NAIP: variants seen among roughly 807,000 people sequenced by gnomAD.
NAIP encodes the protein baculoviral IAP repeat-containing protein 1.
A neutral mutation model predicts 23.0 loss-of-function variants in NAIP; 15 were observed. The ratio of observed to expected loss-of-function variants is 0.65; its 90% CI spans 0.44 to 1.00. The LOEUF (loss-of-function observed/expected upper bound fraction) is 1.00, where lower values mean the gene tolerates loss of function less well. Among genes scored for constraint, NAIP ranks in the 50% least tolerant of loss-of-function variants. The pLI is 0.00. For synonymous variants in NAIP, 100 were observed against 100.2 expected, an observed-to-expected ratio of 1.00 and a Z score of 0.01; for missense variants, 265 against 278.8, an observed-to-expected ratio of 0.95 and a Z score of 0.35.
At chr5:71,016,050 C>T (rs1211357781) in intron 3 of NAIP, among the ~76,000 whole-genome samples, 44 of 146,726 alleles carry the variant, frequency 3.0e-4, no homozygotes, top group African/African-American at 4.2e-4. Context: ...GAGGCCAAGG[C>T]GGGAGGATTG....
chr5:71,014,193 G>A (rs543823803), intron 3 of NAIP, among the ~76,000 whole-genome samples: 1 of 151,090 alleles, frequency 6.6e-6, no homozygotes, highest in East Asian at 2.0e-4. Flanking sequence ...CGCCTCCTGG[G>A]TTCAAGCAAT....
At position 71,015,964 on chromosome 5, in the gene NAIP, A is replaced by G. The variant is rs572725356; in HGVS notation, c.-3-3046T>C. Among the ~76,000 whole-genome samples the G allele has an allele frequency of 5.4e-5, 7 of 129,582 alleles. No individual in the cohort carries two copies. The Admixed American group carries it at 5.7e-4, about 11-fold the overall frequency. The allele number at this position is 129,582 out of a possible 152,430, so 85.0% of individuals were successfully genotyped here. A position where few individuals can be genotyped will look rare whatever the true frequency, so the allele number is the denominator to read the frequency against. On this transcript the variant is annotated intron_variant, in intron 3 of 16. Transcript: ENST00000517649. ...AAAAAAAGAGAAAGAAATATAATTC[A>G]CACATCATAAAATTCACCCATTTAA...
At position 71,011,327 on chromosome 5, in the gene NAIP, T is replaced by C; in HGVS notation, c.616A>G (p.Asn206Asp). 1 of 1,607,258 alleles carries C rather than the reference T, an allele frequency of 6.2e-7. No individual in the cohort carries two copies. Among genetic ancestry groups the C allele is most frequent in the Non-Finnish European group, 8.5e-7 (1 of 1,176,188 alleles). Residue 206 changes from asparagine to aspartate, a missense_variant, in exon 5 of 17, where the codon AAT becomes GAT. By Grantham distance (23) the Asn-to-Asp change is conservative (BLOSUM62 1). Around this residue, in one of 2 missense-constraint regions of NAIP, gnomAD observed 261 missense variants for 259.2 expected, o/e 1.01. Transcript: ENST00000517649. Reference protein sequence around the residue: ...QCFSCGGCLGNWEEGDDPWKE... With the variant: ...QCFSCGGCLGDWEEGDDPWKE... ...CAAGGATCATCTCCTTCTTCCCAAT[T>C]TCCTAAACATCCACCACAGGAAAAA...
At chr5:71,011,831 A>G (rs1751174929) in intron 4 of NAIP, 3 of 404,402 alleles carry the variant, frequency 7.4e-6, no homozygotes, top group Non-Finnish European at 1.5e-5. Flanking sequence ...GATAAGAATT[A>G]GTACTCACTC....
rs527556656 is a variant in NAIP, at chr5:71,015,284, C to T, written c.-3-2366G>A. ...GTCCCAGCTACTCGGGGAGCAGAGGCAGAAGGATCACTTGAGCCCAAGAAT... is the reference window on the plus strand; with the variant it reads ...GTCCCAGCTACTCGGGGAGCAGAGGTAGAAGGATCACTTGAGCCCAAGAAT... On this transcript the variant is annotated intron_variant, in intron 3 of 16. Transcript: ENST00000517649. 1.3e-4 allele frequency among the ~76,000 whole-genome samples: 19 copies of T among 150,934 alleles called. 1 individual carries two copies. Among genetic ancestry groups the T allele is most frequent in the African/African-American group, 4.6e-4 (19 of 41,220 alleles).
chr5:71,011,721 T>G (rs1751169530), intron 4 of NAIP: 2 of 448,782 alleles, frequency 4.5e-6, no homozygotes, highest in Admixed American at 6.2e-5. Flanking sequence ...CGTTTTAGCC[T>G]TGCCATGACA....
intron 3 of NAIP, among the ~76,000 whole-genome samples, chr5:71,017,423 A>G (rs2112942493): frequency 8.5e-6 from 1 of 117,952 alleles, no homozygotes; most frequent in East Asian, 2.2e-4. Context: ...TATTTGTTTA[A>G]TTCATCAAGA....
Position 71,012,740 on chromosome 5 carries a change from C to G in NAIP, c.176G>C (p.Ser59Thr), listed in dbSNP as rs1393952042. 1 of 1,611,876 alleles carries G rather than the reference C, an allele frequency of 6.2e-7. No individual in the cohort carries two copies. The highest frequency in any genetic ancestry group is 1.7e-5 in the Admixed American group (1 of 59,892). Residue 59 changes from serine (S) to threonine (T), a missense_variant, in exon 4 of 17, where the codon AGT becomes ACT. By Grantham distance (58) the Ser-to-Thr change is moderately conservative. Transcript: ENST00000517649. Reference protein sequence around the residue: ...MQKGYNSQMRSEAKRLKTFVT... With the variant: ...MQKGYNSQMRTEAKRLKTFVT... ...AAAAGTCTTTAACCTTTTTGCTTCACTGCGCATTTGAGAGTTGTAGCCTTT... is the reference window on the plus strand; with the variant it reads ...AAAAGTCTTTAACCTTTTTGCTTCAGTGCGCATTTGAGAGTTGTAGCCTTT...
rs1264531416 is a variant in NAIP, at chr5:70,969,758, T to TTAGA, written c.*342_*345dup. Reference sequence around the variant, plus strand: ...GAATACTTCTTCCATATTGTGGCTTTTAGATAGATTGGCAGACCTGTCCCC... The same window carrying TTAGA: ...GAATACTTCTTCCATATTGTGGCTTTTAGATAGATAGATTGGCAGACCTGTCCCC... On this transcript the variant is annotated 3_prime_UTR_variant, in exon 17 of 17. Transcript: ENST00000517649. 2.3e-5 allele frequency: 8 copies of TTAGA among 346,470 alleles called. No individual in the cohort carries two copies. Among genetic ancestry groups the TTAGA allele is most frequent in the Non-Finnish European group, 2.7e-5 (5 of 186,186 alleles). The allele number at this position is 346,470 out of a possible 1,614,324, so 21.5% of individuals were successfully genotyped here. A position where few individuals can be genotyped will look rare whatever the true frequency, so the allele number is the denominator to read the frequency against.
Position 71,012,457 on chromosome 5 carries a change from T to C in NAIP, c.459A>G (p.Lys153=), listed in dbSNP as rs1751204883. ...KNLKSRLRGG[K]MRYQEEEARL... ...TAGCCTCCTCTTCTTGGTACCTCATTTTACCTCCTCTCAGCCTGCTCTTCA... is the reference window on the plus strand; with the variant it reads ...TAGCCTCCTCTTCTTGGTACCTCATCTTACCTCCTCTCAGCCTGCTCTTCA... Residue 153 remains lysine, a synonymous_variant, in exon 4 of 17, where the codon AAA becomes AAG. Transcript: ENST00000517649. 6.2e-7 allele frequency: 1 copy of C among 1,611,610 alleles called. No individual in the cohort carries two copies. Among genetic ancestry groups the C allele is most frequent in the Non-Finnish European group, 8.5e-7 (1 of 1,178,376 alleles).
intron 3 of NAIP, among the ~76,000 whole-genome samples, chr5:71,014,463 T>C (rs1452556667): frequency 6.6e-6 from 1 of 151,608 alleles, no homozygotes; most frequent in Non-Finnish European, 1.5e-5. Context: ...AAGTAATTTC[T>C]AAGAATTTTA....
In NAIP at chr5:71,012,724, T is replaced by C. The variant is rs1751221147; in HGVS notation, c.192A>G (p.Leu64=). ...NSQMRSEAKR[L]KTFVTYEPYS... The stretch of plus-strand genomic sequence containing the variant: ...ACGGCTCATAAGTCACAAAAGTCTT[T>C]AACCTTTTTGCTTCACTGCGCATTT... The change falls in exon 4 of 17, where the codon TTA becomes TTG. Residue 64 remains leucine (L), a synonymous_variant. Transcript: ENST00000517649. 1 of 1,611,872 alleles carries C rather than the reference T, an allele frequency of 6.2e-7. No individual in the cohort carries two copies. Among genetic ancestry groups the C allele is most frequent in the Non-Finnish European group, 8.5e-7 (1 of 1,178,484 alleles).
chr5:70,972,889 ATTGTTTT>A (rs1334092129), intron 16 of NAIP, among the ~76,000 whole-genome samples: 6 of 64,938 alleles, frequency 9.2e-5, no homozygotes, highest in Admixed American at 1.9e-4. Flanking sequence ...GTAAGTTGTC[ATTGTTTT>A]TTGTTTTTTG....
intron 13 of NAIP, among the ~76,000 whole-genome samples, chr5:70,977,995 CA>C (rs556331377): frequency 3.7e-4 from 35 of 94,700 alleles, no homozygotes; most frequent in African/African-American, 4.5e-4. Flanking sequence ...GACTCTGTCT[CA>C]AAAAAAAAAA....
At position 70,969,933 on chromosome 5, in the gene NAIP, G is replaced by GTGTT; in HGVS notation, c.*167_*170dup. 1 of 382,180 alleles carries GTGTT rather than the reference G, an allele frequency of 2.6e-6. No individual in the cohort carries two copies. Among genetic ancestry groups the GTGTT allele is most frequent in the East Asian group, 6.1e-5 (1 of 16,452 alleles). The allele number at this position is 382,180 out of a possible 1,614,324, so 23.7% of individuals were successfully genotyped here. On this transcript the variant is annotated 3_prime_UTR_variant, in exon 17 of 17. Coordinates refer to ENST00000517649, the MANE Select transcript of NAIP (RefSeq NM_004536.3). ...AGCTTGGTGGTGAGTATGCAGGACT[G>GTGTT]TGTTTTGTTTTGTTTTGTTTTTTAG...
intron 4 of NAIP, 80 bp downstream of exon 4, chr5:71,012,268 A>G (rs767160384): frequency 9.0e-6 from 12 of 1,327,902 alleles, no homozygotes; most frequent in Non-Finnish European, 1.2e-5. Flanking sequence ...AAGTTTAGCA[A>G]AATATTGCAA....
chr5:71,009,902 A>T (rs906448023), intron 5 of NAIP, among the ~76,000 whole-genome samples: 2 of 151,530 alleles, frequency 1.3e-5, no homozygotes, highest in African/African-American at 4.8e-5. Flanking sequence ...TAAATATAGC[A>T]TTAAAAATAA....
intron 6 of NAIP, among the ~76,000 whole-genome samples, chr5:71,002,467 G>A (rs1750843120): frequency 6.7e-6 from 1 of 148,196 alleles, no homozygotes; most frequent in African/African-American, 2.5e-5. Context: ...GGAGCACAGT[G>A]GCACGACCTT....
rs1267884687 is a variant in NAIP, at chr5:71,013,011, G to A, written c.-3-93C>T. On this transcript the variant is annotated intron_variant, in intron 3 of 16. Transcript: ENST00000517649. ...GTTTCCGAAGAAACCAGGAATTAAA[G>A]GAATGCCTGGAATTTCAACACAAAA... 8 of 1,082,476 alleles carry A rather than the reference G, an allele frequency of 7.4e-6. No homozygotes were observed. The Admixed American group carries it at 2.3e-4, about 32-fold the overall frequency. 67.1% of individuals were successfully genotyped at this position (1,082,476 alleles called of 1,614,324 possible). A position where few individuals can be genotyped will look rare whatever the true frequency, so the allele number is the denominator to read the frequency against.
Sources: gnomAD v4.1 joint callset for allele counts (sites outside exome capture counted in the v4.1 genomes callset) on GRCh38, gnomAD v4.1.1 for gene constraint, gnomAD v4.1.1 regional missense constraint, MANE v1.5 for transcripts, NCBI Gene and HGNC (gene_info 2026-07-23, HGNC 2026-07-21) for gene names.